The following PTPN11 variants were observed in gnomAD, a reference collection of about 807,000 sequenced individuals.
The protein encoded by PTPN11 is tyrosine-protein phosphatase non-receptor type 11.
A neutral mutation model predicts 78.8 loss-of-function variants in PTPN11; 6 were observed. That is an observed-to-expected ratio of 0.08 (90% CI 0.04 to 0.15). The LOEUF (loss-of-function observed/expected upper bound fraction) is 0.15, where lower values mean the gene tolerates loss of function less well. Ranked by LOEUF, PTPN11 falls within the 10% of genes least tolerant of loss-of-function variation. The pLI, the probability that PTPN11 is intolerant of heterozygous loss-of-function variation, is 1.00. For missense variants in PTPN11, 386 were observed against 744.8 expected (o/e 0.52, Z 5.61); for synonymous variants, 221 against 263.5 (o/e 0.84, Z 1.56).
intron 1 of PTPN11, among the ~76,000 whole-genome samples, chr12:112,436,906 A>G (rs2037801437): frequency 6.6e-6 from 1 of 151,948 alleles, no homozygotes; most frequent in Non-Finnish European, 1.5e-5. Flanking sequence ...AATTAAATTT[A>G]TGGTAATAAA....
intron 3 of PTPN11, among the ~76,000 whole-genome samples, chr12:112,452,091 G>A (rs1295164655): frequency 2.0e-5 from 3 of 151,948 alleles, no homozygotes; most frequent in African/African-American, 7.3e-5. Flanking sequence ...TGCCAGGCTG[G>A]TCTCAAACTC....
At chr12:112,466,180 A>C (rs1305828593) in intron 6 of PTPN11, among the ~76,000 whole-genome samples, 1 of 152,228 alleles carries the variant, frequency 6.6e-6, no homozygotes, top group Admixed American at 6.5e-5. Flanking sequence ...TAAGATAAAA[A>C]GGGTGTTTTG....
At chr12:112,434,941 C>G (rs2037767148) in intron 1 of PTPN11, among the ~76,000 whole-genome samples, 1 of 151,930 alleles carries the variant, frequency 6.6e-6, no homozygotes, top group Non-Finnish European at 1.5e-5. Context: ...CACGCACCAC[C>G]ATGCCCAGTT....
At chr12:112,427,250 A>G (rs1345960425) in intron 1 of PTPN11, among the ~76,000 whole-genome samples, 1 of 150,970 alleles carries the variant, frequency 6.6e-6, no homozygotes, top group African/African-American at 2.4e-5. Context: ...TGTCTCAAAA[A>G]AAAATATAGA....
intron 6 of PTPN11, among the ~76,000 whole-genome samples, chr12:112,460,164 T>G (rs945517674): frequency 1.3e-5 from 2 of 152,092 alleles, no homozygotes; most frequent in African/African-American, 4.8e-5. Flanking sequence ...GCCAGGTTGG[T>G]CTCAAACTTC....
At chr12:112,432,864 A>AC (rs200098164) in intron 1 of PTPN11, among the ~76,000 whole-genome samples, 39 of 151,002 alleles carry the variant, frequency 2.6e-4, no homozygotes, top group South Asian at 2.1e-3. Flanking sequence ...ACCATTTTTA[A>AC]CTTTTTTTTT....
chr12:112,504,811 G>A lies in PTPN11; in HGVS notation c.*32+15G>A. 1 of 1,409,146 alleles carries A rather than the reference G, an allele frequency of 7.1e-7. No individual in the cohort carries two copies. The allele number at this position is 1,409,146 out of a possible 1,614,324, so 87.3% of individuals were successfully genotyped here. A position where few individuals can be genotyped will look rare whatever the true frequency, so the allele number is the denominator to read the frequency against. On this transcript the variant is annotated intron_variant, in intron 15 of 15. Coordinates refer to ENST00000351677, the MANE Select transcript of PTPN11 (RefSeq NM_002834.5). The surrounding 1 kb of genome is among the most constrained non-coding windows in gnomAD (Gnocchi z 4.7). ...CACAGAAATAGGTATTTAAATGCAA[G>A]TGCTCTATTGGTTAATTGTTTATAT...
chr12:112,476,277 A>G (rs1301087844), intron 7 of PTPN11, among the ~76,000 whole-genome samples: 1 of 152,158 alleles, frequency 6.6e-6, no homozygotes, highest in East Asian at 1.9e-4. Context: ...TGAACATCTC[A>G]TTTCCTTAAA....
chr12:112,491,283 A>AC (rs1263489192), intron 13 of PTPN11, among the ~76,000 whole-genome samples: 1 of 152,156 alleles, frequency 6.6e-6, no homozygotes, highest in East Asian at 1.9e-4. Flanking sequence ...AAAAAAAAAA[A>AC]AAAACCCTCA....
intron 13 of PTPN11, among the ~76,000 whole-genome samples, chr12:112,490,447 T>C (rs977377543): frequency 3.0e-4 from 45 of 151,916 alleles, no homozygotes; most frequent in African/African-American, 1.0e-3. Flanking sequence ...GCTGGGACTA[T>C]AGGCATGCGC....
chr12:112,450,742 T>C (rs913863806), intron 3 of PTPN11, among the ~76,000 whole-genome samples: 6 of 152,196 alleles, frequency 3.9e-5, no homozygotes, highest in Non-Finnish European at 8.8e-5. Flanking sequence ...CCTATAGGGG[T>C]TGCATACCAT....
At chr12:112,428,244 A>G (rs2037653261) in intron 1 of PTPN11, among the ~76,000 whole-genome samples, 1 of 152,160 alleles carries the variant, frequency 6.6e-6, no homozygotes, top group Admixed American at 6.6e-5. Context: ...ATAAACTCAA[A>G]TGAGGCCATA....
Position 112,506,814 on chromosome 12 carries a change from T to C in PTPN11, c.*1022T>C, listed in dbSNP as rs554094011. The C allele has an allele frequency of 6.4e-6, 1 of 157,382 alleles. No individual in the cohort carries two copies. Among genetic ancestry groups the C allele is most frequent in the African/African-American group, 2.4e-5 (1 of 41,688 alleles). 9.7% of individuals were successfully genotyped at this position (157,382 alleles called of 1,614,324 possible). On this transcript the variant is annotated 3_prime_UTR_variant, in exon 16 of 16. Transcript: ENST00000351677. Reference sequence around the variant, plus strand: ...TCCTTCTTCGTGTAGTCTCTTTCAGTGGCCTGGCTGGCAGGGTAGCTAGAC... The same window carrying C: ...TCCTTCTTCGTGTAGTCTCTTTCAGCGGCCTGGCTGGCAGGGTAGCTAGAC...
chr12:112,432,440 T>A (rs1347726951), intron 1 of PTPN11, among the ~76,000 whole-genome samples: 1 of 151,158 alleles, frequency 6.6e-6, no homozygotes, highest in Non-Finnish European at 1.5e-5. Flanking sequence ...CCGAGGTGGG[T>A]GGATTGCCTG....
intron 10 of PTPN11, 68 bp from the exon 11 acceptor site, chr12:112,486,407 G>A: frequency 5.4e-6 from 8 of 1,473,668 alleles, no homozygotes; most frequent in Non-Finnish European, 5.7e-6. Flanking sequence ...GGAAAGCTTA[G>A]AACCGGGTGA....
At chr12:112,444,572 T>C (rs1423746392) in intron 1 of PTPN11, among the ~76,000 whole-genome samples, 2 of 152,116 alleles carry the variant, frequency 1.3e-5, no homozygotes, top group African/African-American at 2.4e-5. Flanking sequence ...ACTCCCGACC[T>C]CAGGTGATCT....
chr12:112,484,413 A>T (rs1176253573), intron 10 of PTPN11, among the ~76,000 whole-genome samples: 1 of 152,142 alleles, frequency 6.6e-6, no homozygotes, highest in African/African-American at 2.4e-5. Flanking sequence ...CAGTGGATGG[A>T]GAGGAGGTCA....
At chr12:112,469,090 G>A (rs1359469512) in intron 6 of PTPN11, among the ~76,000 whole-genome samples, 4 of 152,042 alleles carry the variant, frequency 2.6e-5, no homozygotes, top group Non-Finnish European at 4.4e-5. Context: ...ATTAAGGGAA[G>A]CCTCTGGCAG....
intron 1 of PTPN11, among the ~76,000 whole-genome samples, chr12:112,425,414 A>G (rs757710838): frequency 7.2e-5 from 11 of 152,152 alleles, no homozygotes; most frequent in Non-Finnish European, 1.6e-4. Context: ...ATTAGATTAG[A>G]AATGAGGAAT....
Sources: gnomAD v4.1 joint callset for allele counts (sites outside exome capture counted in the v4.1 genomes callset) on GRCh38, gnomAD v4.1.1 for gene constraint, Gnocchi (gnomAD v3.1) non-coding constraint, MANE v1.5 for transcripts, NCBI Gene and HGNC (gene_info 2026-07-23, HGNC 2026-07-21) for gene names.